The following ANO2 variants were observed in gnomAD, a reference collection of about 807,000 sequenced individuals.
ANO2 encodes the protein anoctamin-2.
In ANO2, 101 loss-of-function variants were observed where a neutral mutation model predicts 124.2. The ratio of observed to expected loss-of-function variants is 0.81; its 90% confidence interval spans 0.69 to 0.96. The LOEUF is 0.96. Ranked by LOEUF, ANO2 falls within the 40% of genes least tolerant of loss-of-function variation. The pLI, the probability that ANO2 is intolerant of heterozygous loss-of-function variation, is 0.00. For missense variants in ANO2, 1,293 were observed against 1,274.5 expected, an observed-to-expected ratio of 1.01 and a Z score of -0.22; for synonymous variants, 486 against 482.5, an observed-to-expected ratio of 1.01 and a Z score of -0.09.
intron 3 of ANO2, among the ~76,000 whole-genome samples, chr12:5,892,865 A>G (rs1413401986): frequency 2.0e-5 from 3 of 152,242 alleles, no homozygotes; most frequent in African/African-American, 7.2e-5. Flanking sequence ...TGTCTGTGCA[A>G]ATAGACTATT....
chr12:5,649,712 C>T lies in ANO2; in HGVS notation c.1546-1911G>A, dbSNP rs12370065. On this transcript the variant is annotated intron_variant, in intron 14 of 24. Coordinates refer to ENST00000682330, the MANE Select transcript of ANO2 (RefSeq NM_001364791.2). ...CTCCACCTCCCAGGTTCGAGTGATT[C>T]TCCTGTCTCAGCCTCCCGACTAGCT... Among the ~76,000 whole-genome samples the T allele has an allele frequency of 8.8e-3, 1,338 of 152,272 alleles. 6 individuals carry two copies. Among genetic ancestry groups the T allele is most frequent in the Non-Finnish European group, 0.015 (1,042 of 68,024 alleles).
At chr12:5,677,243 T>A (rs985687481) in intron 14 of ANO2, among the ~76,000 whole-genome samples, 1 of 151,984 alleles carries the variant, frequency 6.6e-6, no homozygotes, top group African/African-American at 2.4e-5. Flanking sequence ...GCATGAAGCA[T>A]AAATTGCTGT....
At chr12:5,631,389 C>T (rs1437725374) in intron 16 of ANO2, among the ~76,000 whole-genome samples, 4 of 152,210 alleles carry the variant, frequency 2.6e-5, no homozygotes, top group Admixed American at 1.3e-4. Context: ...CTGACCAACT[C>T]CCCCAGAGTG....
intron 1 of ANO2, among the ~76,000 whole-genome samples, chr12:5,940,959 T>C (rs1204487363): frequency 6.6e-6 from 1 of 152,236 alleles, no homozygotes; most frequent in Non-Finnish European, 1.5e-5. Flanking sequence ...ACAATACACA[T>C]TAACCTTGAA....
chr12:5,808,104 A>C (rs1953259725), intron 7 of ANO2, among the ~76,000 whole-genome samples: 1 of 152,240 alleles, frequency 6.6e-6, no homozygotes, highest in Non-Finnish European at 1.5e-5. Context: ...CATGCAGTAA[A>C]CATTGGTCGA....
At position 5,873,244 on chromosome 12, in the gene ANO2, T is replaced by TCTCTCTCTCTCTCTCTCTCC. The variant is rs1253108658; in HGVS notation, c.535-19104_535-19103insGGAGAGAGAGAGAGAGAGAG. On this transcript the variant is annotated intron_variant, in intron 3 of 24. Coordinates refer to ENST00000682330, the MANE Select transcript of ANO2 (RefSeq NM_001364791.2). ...CTCTCTCTCTCTCTCTCTCTCTCTC[T>TCTCTCTCTCTCTCTCTCTCC]CTGTCTGTCTCTCTCCCTTTCTCTC... is the stretch of plus-strand genomic sequence containing the variant. Among the ~76,000 whole-genome samples the TCTCTCTCTCTCTCTCTCTCC allele has an allele frequency of 2.3e-4, 32 of 141,814 alleles. 1 individual carries two copies. Among genetic ancestry groups the TCTCTCTCTCTCTCTCTCTCC allele is most frequent in the African/African-American group, 8.8e-4 (30 of 34,216 alleles). The allele number at this position is 141,814 out of a possible 152,430, so 93.0% of individuals were successfully genotyped here.
In ANO2 at chr12:5,600,044, T is replaced by C. The variant is rs143642873; in HGVS notation, c.2088-415A>G. Among the ~76,000 whole-genome samples the C allele has an allele frequency of 1.5e-4, 23 of 152,346 alleles. No homozygotes were observed. In the East Asian group the frequency reaches 3.9e-3, roughly 26 times the overall value. ...ATTTTTCAGGTCTCAATAACATTAA[T>C]AGCATCATCTTTCCATTAAAACCAA... On this transcript the variant is annotated intron_variant, in intron 19 of 24. Coordinates refer to ENST00000682330, the MANE Select transcript of ANO2 (RefSeq NM_001364791.2).
chr12:5,749,947 A>G (rs1951387134), intron 11 of ANO2, among the ~76,000 whole-genome samples: 1 of 149,080 alleles, frequency 6.7e-6, no homozygotes, highest in Admixed American at 6.7e-5. Context: ...TTTTTTTTTC[A>G]GAGGGGTCTT....
intron 3 of ANO2, among the ~76,000 whole-genome samples, chr12:5,918,159 T>C (rs1278627775): frequency 1.3e-5 from 2 of 152,190 alleles, no homozygotes; most frequent in Non-Finnish European, 2.9e-5. Context: ...AGACCCCAGC[T>C]GGAGCCACCA....
chr12:5,593,541 C>T (rs1282673358), intron 20 of ANO2, among the ~76,000 whole-genome samples: 1 of 152,148 alleles, frequency 6.6e-6, no homozygotes, highest in Non-Finnish European at 1.5e-5. Flanking sequence ...AGGGCACAGC[C>T]TACACTCACA....
intron 9 of ANO2, among the ~76,000 whole-genome samples, chr12:5,805,733 A>G (rs1321167543): frequency 4.6e-5 from 7 of 152,128 alleles, no homozygotes; most frequent in Non-Finnish European, 1.0e-4. Context: ...ATTTCTGCAT[A>G]TATCAGTTAA....
At chr12:5,760,761 C>G (rs1951716252) in intron 10 of ANO2, among the ~76,000 whole-genome samples, 1 of 152,116 alleles carries the variant, frequency 6.6e-6, no homozygotes, top group South Asian at 2.1e-4. Context: ...CTGGTCCCAT[C>G]CCCTCAACAG....
At position 5,859,455 on chromosome 12, in the gene ANO2, C is replaced by T. The variant is rs192820830; in HGVS notation, c.535-5314G>A. 1.0e-3 allele frequency among the ~76,000 whole-genome samples: 157 copies of T among 152,282 alleles called. 3 individuals are homozygous for T. In the East Asian group the frequency reaches 0.028, roughly 27 times the overall value. On this transcript the variant is annotated intron_variant, in intron 3 of 24. Coordinates refer to ENST00000682330, the MANE Select transcript of ANO2 (RefSeq NM_001364791.2). ...GTTCTTGTTATCAGGGAGAGTTACC[C>T]AAGAAGACGGTGTGAGTACTGTGGC...
At chr12:5,890,953 C>A (rs1209156680) in intron 3 of ANO2, among the ~76,000 whole-genome samples, 3 of 152,174 alleles carry the variant, frequency 2.0e-5, no homozygotes, top group African/African-American at 2.4e-5. Flanking sequence ...GAACTTGAAT[C>A]TCCCAAACTC....
At chr12:5,590,922 C>T (rs1370181157) in intron 20 of ANO2, among the ~76,000 whole-genome samples, 1 of 152,162 alleles carries the variant, frequency 6.6e-6, no homozygotes, top group Admixed American at 6.5e-5. Flanking sequence ...CGTGGTGGCT[C>T]ACACCTGTAA....
At chr12:5,633,746 T>A (rs949529628) in intron 16 of ANO2, among the ~76,000 whole-genome samples, 1 of 152,182 alleles carries the variant, frequency 6.6e-6, no homozygotes, top group African/African-American at 2.4e-5. Context: ...TCAGCTCCTG[T>A]TCCACTGGTG....
At chr12:5,780,007 T>C (rs1330646330) in intron 10 of ANO2, among the ~76,000 whole-genome samples, 1 of 152,212 alleles carries the variant, frequency 6.6e-6, no homozygotes, top group Non-Finnish European at 1.5e-5. Context: ...AAATGGATTG[T>C]AGAATAGGTA....
chr12:5,769,823 T>C lies in ANO2; in HGVS notation c.1056-18853A>G, dbSNP rs1454139208. ...GTGGATACAGGTGTTTGCAAACAAA[T>C]GGCTTGTGAAGGGTCCTTTCCCTGG... On this transcript the variant is annotated intron_variant, in intron 10 of 24. Coordinates refer to ENST00000682330, the MANE Select transcript of ANO2 (RefSeq NM_001364791.2). This position sits in a 1 kb window ranked among gnomAD's most constrained non-coding sequence, Gnocchi z 4.0. Among the ~76,000 whole-genome samples the C allele has an allele frequency of 1.3e-5, 2 of 152,160 alleles. No homozygotes were observed. Among genetic ancestry groups the C allele is most frequent in the African/African-American group, 4.8e-5 (2 of 41,434 alleles).
rs1205842320 is a variant in ANO2, at chr12:5,578,356, G to A, written c.2386+10C>T. Reference sequence around the variant, plus strand: ...ATGGGCCTGGTGGGGCCTCTAAGTGGGGCACGTACCGATATCTTTGGTTCT... The same window carrying A: ...ATGGGCCTGGTGGGGCCTCTAAGTGAGGCACGTACCGATATCTTTGGTTCT... On this transcript the variant is annotated intron_variant, in intron 21 of 24. Transcript: ENST00000682330. The A allele has an allele frequency of 1.9e-6, 3 of 1,612,454 alleles. No homozygotes were observed. Among genetic ancestry groups the A allele is most frequent in the South Asian group, 2.2e-5 (2 of 90,792 alleles).
Sources: gnomAD v4.1 joint callset for allele counts (sites outside exome capture counted in the v4.1 genomes callset) on GRCh38, gnomAD v4.1.1 for gene constraint, Gnocchi (gnomAD v3.1) non-coding constraint, MANE v1.5 for transcripts, NCBI Gene and HGNC (gene_info 2026-07-23, HGNC 2026-07-21) for gene names.